Variants in TEKT5 observed in about 807,000 individuals in gnomAD.
TEKT5 encodes tektin-5.
In TEKT5, 52 loss-of-function variants were observed where a neutral mutation model predicts 48.7. The ratio of observed to expected loss-of-function variants is 1.07; its 90% confidence interval spans 0.86 to 1.35. The LOEUF is 1.35. TEKT5 is among the 40% of genes most tolerant of loss of function. TEKT5 has a pLI of 0.00. For synonymous variants in TEKT5, 318 were observed against 267.6 expected (o/e 1.19, Z -1.84); for missense variants, 831 against 641.6 (o/e 1.30, Z -3.19).
intron 5 of TEKT5, among the ~76,000 whole-genome samples, chr16:10,659,811 G>A (rs1260794275): frequency 2.0e-5 from 3 of 152,222 alleles, no homozygotes; most frequent in Non-Finnish European, 4.4e-5. Context: ...GGGAAAGTTT[G>A]GGGAGGATAG....
intron 5 of TEKT5, among the ~76,000 whole-genome samples, chr16:10,636,511 C>A (rs1338149745): frequency 6.6e-6 from 1 of 151,958 alleles, no homozygotes; most frequent in Non-Finnish European, 1.5e-5. Context: ...TTAGAGTTGC[C>A]AATCAGTGCT....
chr16:10,630,488 C>T (rs1290567338), intron 6 of TEKT5, among the ~76,000 whole-genome samples: 2 of 152,126 alleles, frequency 1.3e-5, no homozygotes, highest in Non-Finnish European at 2.9e-5. Context: ...TGATCCTCCT[C>T]CCTCCGCCTC....
intron 5 of TEKT5, among the ~76,000 whole-genome samples, chr16:10,674,461 C>A (rs1898606382): frequency 6.6e-6 from 1 of 151,810 alleles, no homozygotes; most frequent in Non-Finnish European, 1.5e-5. Context: ...TAGCGAAACC[C>A]TGTCTCTACA....
intron 4 of TEKT5, among the ~76,000 whole-genome samples, 195 bp downstream of exon 4, chr16:10,681,798 C>T (rs1174900681): frequency 6.6e-6 from 1 of 152,040 alleles, no homozygotes; most frequent in African/African-American, 2.4e-5. Flanking sequence ...TCCCCCATAC[C>T]TCCTCCGGTA....
At chr16:10,683,850 C>T (rs979139555) in intron 3 of TEKT5, among the ~76,000 whole-genome samples, 1 of 152,248 alleles carries the variant, frequency 6.6e-6, no homozygotes, top group South Asian at 2.1e-4. Context: ...GCCTTGGCTT[C>T]CCAAAGTGCT....
intron 5 of TEKT5, among the ~76,000 whole-genome samples, chr16:10,666,620 C>T (rs918316321): frequency 4.6e-5 from 7 of 152,326 alleles, no homozygotes; most frequent in Admixed American, 3.3e-4. Flanking sequence ...TAAGAAAATG[C>T]AGACTGCAGA....
At position 10,657,342 on chromosome 16, in the gene TEKT5, G is replaced by A. The variant is rs184535455; in HGVS notation, c.1086+18617C>T. The stretch of plus-strand genomic sequence containing the variant: ...AGGGTTTCACCATGTTGGCCAGGCT[G>A]GTCTCGAACTCCCGACCTCAGGTGA... On this transcript the variant is annotated intron_variant, in intron 5 of 6. Transcript: ENST00000283025. Among the ~76,000 whole-genome samples, 37 of 151,968 alleles carry A rather than the reference G, an allele frequency of 2.4e-4. 1 individual carries two copies. The East Asian group carries it at 2.5e-3, about 10-fold the overall frequency.
At position 10,694,924 on chromosome 16, in the gene TEKT5, C is replaced by T; in HGVS notation, c.-51G>A. On this transcript the variant is annotated 5_prime_UTR_variant, in exon 1 of 7. It removes an upstream start codon present in the reference 5' UTR. Transcript: ENST00000283025. ...AAAACTCAGCTCAAGGAGCCAAAGGCATCACCAGGAAAGGTGAAAGTGCTT... is the reference window on the plus strand; with the variant it reads ...AAAACTCAGCTCAAGGAGCCAAAGGTATCACCAGGAAAGGTGAAAGTGCTT... 1.3e-6 allele frequency: 2 copies of T among 1,487,758 alleles called. No homozygotes were observed. The highest frequency in any genetic ancestry group is 4.5e-5 in the East Asian group (2 of 44,076). 92.2% of individuals were successfully genotyped at this position (1,487,758 alleles called of 1,614,324 possible).
intron 3 of TEKT5, among the ~76,000 whole-genome samples, chr16:10,682,422 G>A (rs1434830757): frequency 6.6e-6 from 1 of 152,110 alleles, no homozygotes; most frequent in Non-Finnish European, 1.5e-5. Context: ...TGACCTCCCA[G>A]GCTCAAGCAC....
chr16:10,660,494 C>T (rs1371595844), intron 5 of TEKT5, among the ~76,000 whole-genome samples: 3 of 152,126 alleles, frequency 2.0e-5, no homozygotes, highest in Non-Finnish European at 4.4e-5. Flanking sequence ...GGCCCAGACC[C>T]CCACTCAGAA....
chr16:10,669,726 C>A (rs1228705550), intron 5 of TEKT5, among the ~76,000 whole-genome samples: 1 of 151,546 alleles, frequency 6.6e-6, no homozygotes, highest in Non-Finnish European at 1.5e-5. Flanking sequence ...GCATCTTTTC[C>A]CCCTACACAT....
At chr16:10,681,368 CCACTCTCTGTCT>C (rs765525134) in intron 4 of TEKT5, among the ~76,000 whole-genome samples, 3 of 110,020 alleles carry the variant, frequency 2.7e-5, no homozygotes, top group African/African-American at 1.3e-4. Context: ...GCTCCAGATT[CCACTCTCTGTCT>C]CTCTCTCTCT....
At chr16:10,661,951 G>A (rs4293382) in intron 5 of TEKT5, among the ~76,000 whole-genome samples, 3,119 of 152,294 alleles carry the variant, frequency 0.02, 143 homozygotes, top group East Asian at 0.17. Context: ...GCCCTTCAGA[G>A]CCCTGGGTCC....
chr16:10,629,640 C>G (rs568369937), intron 6 of TEKT5, among the ~76,000 whole-genome samples: 44 of 152,314 alleles, frequency 2.9e-4, no homozygotes, highest in African/African-American at 1.0e-3. Flanking sequence ...GGGCACCATC[C>G]CCAGCTGCTA....
At chr16:10,652,465 C>T (rs1252071264) in intron 5 of TEKT5, among the ~76,000 whole-genome samples, 6 of 143,898 alleles carry the variant, frequency 4.2e-5, no homozygotes, top group African/African-American at 1.3e-4. Flanking sequence ...CACACACACA[C>T]ACACACACAC....
At chr16:10,674,617 G>GAAAAAAAAAAAAAAAAAAAAAA (rs57583870) in intron 5 of TEKT5, among the ~76,000 whole-genome samples, 1 of 74,744 alleles carries the variant, frequency 1.3e-5, no homozygotes, top group Non-Finnish European at 2.4e-5. Flanking sequence ...GATCATCTCA[G>GAAAAAAAAAAAAAAAAAAAAAA]AAAAAAAAAA....
At chr16:10,684,541 T>C (rs1898821100) in intron 3 of TEKT5, among the ~76,000 whole-genome samples, 1 of 152,064 alleles carries the variant, frequency 6.6e-6, no homozygotes, top group Non-Finnish European at 1.5e-5. Flanking sequence ...GGAACCCCAG[T>C]CCCGGGGCCC....
intron 3 of TEKT5, among the ~76,000 whole-genome samples, chr16:10,686,527 T>C (rs1437242911): frequency 1.3e-5 from 2 of 149,544 alleles, no homozygotes; most frequent in East Asian, 1.9e-4. Flanking sequence ...GAAGAAAACA[T>C]AGGGGAAAAG....
intron 5 of TEKT5, among the ~76,000 whole-genome samples, chr16:10,658,127 T>C (rs1156384780): frequency 6.6e-6 from 1 of 152,164 alleles, no homozygotes; most frequent in Non-Finnish European, 1.5e-5. Context: ...TTCTAAGTGT[T>C]GACTAGGATG....
Sources: allele counts gnomAD v4.1 joint callset (sites outside exome capture counted in the v4.1 genomes callset), GRCh38; gene constraint gnomAD v4.1.1; transcripts MANE v1.5; gene names NCBI Gene and HGNC (gene_info 2026-07-23, HGNC 2026-07-21).